MITF: variants seen among roughly 807,000 people sequenced by gnomAD.
The protein encoded by MITF is microphthalmia-associated transcription factor.
A neutral mutation model predicts 60.5 loss-of-function variants in MITF; 17 were observed. That is an observed-to-expected ratio of 0.28 (90% CI 0.19 to 0.42). The LOEUF (loss-of-function observed/expected upper bound fraction) is 0.42. Ranked by LOEUF, MITF falls within the 10% of genes least tolerant of loss-of-function variation. MITF has a pLI of 1.00. For synonymous variants in MITF, 260 were observed against 248.5 expected (o/e 1.05, Z -0.43); for missense variants, 622 against 683.5 (o/e 0.91, Z 1.00).
intron 1 of MITF, among the ~76,000 whole-genome samples, chr3:69,788,762 G>A (rs1003523791): frequency 1.3e-5 from 2 of 152,156 alleles, no homozygotes; most frequent in African/African-American, 4.8e-5. Context: ...ATAGACCAAT[G>A]TAATAGAATA....
At chr3:69,911,216 T>A (rs2065217982) in intron 2 of MITF, among the ~76,000 whole-genome samples, 1 of 152,184 alleles carries the variant, frequency 6.6e-6, no homozygotes, top group African/African-American at 2.4e-5. Flanking sequence ...CCTCCCACCA[T>A]CATTCTGAGG....
chr3:69,857,013 C>G (rs1404338782), intron 1 of MITF, among the ~76,000 whole-genome samples: 1 of 151,724 alleles, frequency 6.6e-6, no homozygotes, highest in Non-Finnish European at 1.5e-5. Flanking sequence ...CCATTATGGT[C>G]AATTAATTAA....
intron 2 of MITF, among the ~76,000 whole-genome samples, chr3:69,918,775 T>C: frequency 6.6e-6 from 1 of 152,220 alleles, no homozygotes; most frequent in Non-Finnish European, 1.5e-5. Flanking sequence ...ATATAAGAGA[T>C]GCTCAATAAA....
intron 1 of MITF, among the ~76,000 whole-genome samples, chr3:69,870,436 A>ATTTTT (rs1211789762): frequency 6.9e-6 from 1 of 144,758 alleles, no homozygotes; most frequent in African/African-American, 2.6e-5. Flanking sequence ...ATATATATAT[A>ATTTTT]TATATTTTTT....
chr3:69,809,094 GA>G (rs1009745698), intron 1 of MITF, among the ~76,000 whole-genome samples: 1 of 152,080 alleles, frequency 6.6e-6, no homozygotes, highest in African/African-American at 2.4e-5. Context: ...TAAGAGTTTG[GA>G]AACAGACTCT....
intron 1 of MITF, among the ~76,000 whole-genome samples, chr3:69,785,997 G>T (rs913157537): frequency 6.6e-6 from 1 of 152,150 alleles, no homozygotes; most frequent in African/African-American, 2.4e-5. Context: ...GAAAAGGAAG[G>T]TTCAGTGATC....
At chr3:69,800,265 G>A (rs1475479017) in intron 1 of MITF, among the ~76,000 whole-genome samples, 2 of 152,104 alleles carry the variant, frequency 1.3e-5, no homozygotes, top group Non-Finnish European at 2.9e-5. Flanking sequence ...AGCCTTGAAA[G>A]GAATGACCTT....
At chr3:69,776,665 A>G (rs1260191155) in intron 1 of MITF, among the ~76,000 whole-genome samples, 1 of 152,196 alleles carries the variant, frequency 6.6e-6, no homozygotes, top group Non-Finnish European at 1.5e-5. Flanking sequence ...ATAATGTACC[A>G]AGTATGTTGA....
At chr3:69,800,631 TA>T (rs1186028074) in intron 1 of MITF, among the ~76,000 whole-genome samples, 7 of 151,582 alleles carry the variant, frequency 4.6e-5, no homozygotes, top group East Asian at 3.9e-4. Context: ...TATTTTCAGT[TA>T]AAAAAAAATT....
chr3:69,904,142 C>G (rs1310060523), intron 2 of MITF, among the ~76,000 whole-genome samples: 1 of 151,890 alleles, frequency 6.6e-6, no homozygotes, highest in Admixed American at 6.6e-5. Flanking sequence ...TTATTGCCTC[C>G]CTTTGCACTC....
At chr3:69,747,612 T>G (rs1251355638) in intron 1 of MITF, among the ~76,000 whole-genome samples, 2 of 152,260 alleles carry the variant, frequency 1.3e-5, no homozygotes, top group Non-Finnish European at 2.9e-5. Flanking sequence ...ATATGAATAG[T>G]GGAAAAAGAA....
At chr3:69,899,909 G>A (rs1483039304) in intron 2 of MITF, among the ~76,000 whole-genome samples, 1 of 152,146 alleles carries the variant, frequency 6.6e-6, no homozygotes, top group Non-Finnish European at 1.5e-5. Context: ...CTTGGGGTCT[G>A]CCAGGGCACA....
In MITF at chr3:69,948,401, CT is replaced by C. The variant is rs5849932; in HGVS notation, c.763-639del. 2.9e-4 allele frequency among the ~76,000 whole-genome samples: 42 copies of C among 146,934 alleles called. No homozygotes were observed. The South Asian group carries it at 3.5e-3, about 12-fold the overall frequency. Reference sequence around the variant, plus strand: ...TGGGGAAGGCTAAATATTTCTTTTACTTTTTTTTTTTATTATTATTCTCTTG... The same window carrying C: ...TGGGGAAGGCTAAATATTTCTTTTACTTTTTTTTTTATTATTATTCTCTTG... On this transcript the variant is annotated intron_variant, in intron 5 of 9. Transcript: ENST00000352241.
chr3:69,748,082 A>C (rs2106759292), intron 1 of MITF, among the ~76,000 whole-genome samples: 1 of 152,338 alleles, frequency 6.6e-6, no homozygotes, highest in Admixed American at 6.5e-5. Flanking sequence ...ACAAAAAAGA[A>C]GAAGCTCTCC....
At chr3:69,953,016 C>A (rs890177238) in intron 7 of MITF, among the ~76,000 whole-genome samples, 1 of 152,062 alleles carries the variant, frequency 6.6e-6, no homozygotes, top group Non-Finnish European at 1.5e-5. Flanking sequence ...TCTTTGTGTA[C>A]AAGAAAGTTT....
intron 2 of MITF, among the ~76,000 whole-genome samples, chr3:69,933,829 A>G (rs1221657938): frequency 1.3e-5 from 2 of 152,140 alleles, no homozygotes; most frequent in Admixed American, 6.5e-5. Flanking sequence ...TGCTACATAT[A>G]TGTTCTCATT....
chr3:69,959,450 T>A (rs747040472), intron 9 of MITF, 30 bp downstream of exon 9: 3 of 1,613,342 alleles, frequency 1.9e-6, no homozygotes, highest in South Asian at 1.1e-5. Flanking sequence ...TAAAGTTTAC[T>A]GCTTTTTACC....
chr3:69,956,201 G>A (rs972605054), intron 7 of MITF, among the ~76,000 whole-genome samples: 1 of 152,110 alleles, frequency 6.6e-6, no homozygotes, highest in Non-Finnish European at 1.5e-5. Context: ...TGTAACTAAG[G>A]ATAGTAACTG....
chr3:69,964,750 G>A lies in MITF; in HGVS notation c.1180-97G>A, dbSNP rs533971545. On this transcript the variant is annotated intron_variant, in intron 9 of 9. Coordinates refer to ENST00000352241, the MANE Select transcript of MITF (RefSeq NM_001354604.2). The stretch of plus-strand genomic sequence containing the variant: ...GGTTTGGCCAAATGTCTAATGACGC[G>A]CATCTACCATTATAGTATCATATAG... 23 of 1,053,394 alleles carry A rather than the reference G, an allele frequency of 2.2e-5. No individual in the cohort carries two copies. The East Asian group carries it at 2.4e-4, about 11-fold the overall frequency. 65.3% of individuals were successfully genotyped at this position (1,053,394 alleles called of 1,614,324 possible).
Sources: gnomAD v4.1 joint callset for allele counts (sites outside exome capture counted in the v4.1 genomes callset) on GRCh38, gnomAD v4.1.1 for gene constraint, MANE v1.5 for transcripts, NCBI Gene and HGNC (gene_info 2026-07-23, HGNC 2026-07-21) for gene names.